The following GRXCR1 variants were observed in gnomAD, a reference collection of about 807,000 sequenced individuals.
The protein encoded by GRXCR1 is glutaredoxin domain-containing cysteine-rich protein 1.
Under a neutral mutation model 27.3 loss-of-function variants are expected in GRXCR1, and 27 were observed. The observed-to-expected ratio is 0.99, with a 90% CI of 0.73 to 1.37. The LOEUF (loss-of-function observed/expected upper bound fraction) is 1.37. GRXCR1 is among the 40% of genes most tolerant of loss of function. The probability of loss-of-function intolerance (pLI) is 0.00; values close to 1 mark genes in which losing one functional copy is unlikely to be tolerated. For missense variants in GRXCR1, 379 were observed against 354.4 expected, an observed-to-expected ratio of 1.07 and a Z score of -0.56; for synonymous variants, 122 against 131.1, an observed-to-expected ratio of 0.93 and a Z score of 0.47.
At chr4:42,920,756 C>A (rs1746990391) in intron 1 of GRXCR1, among the ~76,000 whole-genome samples, 1 of 152,056 alleles carries the variant, frequency 6.6e-6, no homozygotes, top group Non-Finnish European at 1.5e-5. Context: ...CAAATATGTA[C>A]ATTTTACTCT....
chr4:42,991,873 G>C (rs1286482085), intron 2 of GRXCR1, among the ~76,000 whole-genome samples: 1 of 152,080 alleles, frequency 6.6e-6, no homozygotes, highest in Non-Finnish European at 1.5e-5. Context: ...GCACAGAGGG[G>C]TTTCATTACT....
intron 2 of GRXCR1, among the ~76,000 whole-genome samples, chr4:42,977,906 T>C (rs1748561876): frequency 6.6e-6 from 1 of 152,056 alleles, no homozygotes; most frequent in South Asian, 2.1e-4. Context: ...ATTTGCCTTA[T>C]GTTTTCTGCT....
At chr4:42,946,988 C>T (rs934055955) in intron 1 of GRXCR1, among the ~76,000 whole-genome samples, 3 of 152,146 alleles carry the variant, frequency 2.0e-5, no homozygotes, top group Admixed American at 6.5e-5. Flanking sequence ...CACAACCCAC[C>T]GAATGGAGAG....
chr4:42,899,836 A>T (rs13327979), intron 1 of GRXCR1, among the ~76,000 whole-genome samples: 45,004 of 152,020 alleles, frequency 0.3, 7,164 homozygotes, highest in Middle Eastern at 0.37. Flanking sequence ...GACATTTTAA[A>T]CTGTGGAACA....
chr4:42,950,540 T>C (rs966134686), intron 1 of GRXCR1, among the ~76,000 whole-genome samples: 1 of 152,154 alleles, frequency 6.6e-6, no homozygotes, highest in African/African-American at 2.4e-5. Context: ...TATTACAAGA[T>C]AGACATTTTT....
chr4:42,972,321 A>G (rs1047877690), intron 2 of GRXCR1, among the ~76,000 whole-genome samples: 2 of 152,166 alleles, frequency 1.3e-5, no homozygotes, highest in Non-Finnish European at 1.5e-5. Flanking sequence ...AGTCTCATGA[A>G]CATTCAAATC....
chr4:42,950,344 G>A (rs1747853430), intron 1 of GRXCR1, among the ~76,000 whole-genome samples: 1 of 152,160 alleles, frequency 6.6e-6, no homozygotes, highest in East Asian at 1.9e-4. Flanking sequence ...CCATTTGCAA[G>A]ATGTTCCTGA....
chr4:43,030,270 C>T, intron 3 of GRXCR1, 91 bp from the exon 4 acceptor site: 1 of 1,130,896 alleles, frequency 8.8e-7, no homozygotes, highest in Non-Finnish European at 1.3e-6. Context: ...GCTTTATGAC[C>T]ACTCACAGTT....
At position 42,893,153 on chromosome 4, in the gene GRXCR1, A is replaced by T; in HGVS notation, c.-114A>T. On this transcript the variant is annotated 5_prime_UTR_variant, in exon 1 of 4. Transcript: ENST00000399770. ...CTTCTTTCCTTTTGATGTTAGTTTC[A>T]CAGGAGTGCTGCCATCACTAGAATT... 1 of 1,111,988 alleles carries T rather than the reference A, an allele frequency of 9.0e-7. No individual in the cohort carries two copies. Among genetic ancestry groups the T allele is most frequent in the Non-Finnish European group, 1.4e-6 (1 of 726,572 alleles). The allele number at this position is 1,111,988 out of a possible 1,614,324, so 68.9% of individuals were successfully genotyped here. A position where few individuals can be genotyped will look rare whatever the true frequency, so the allele number is the denominator to read the frequency against.
At chr4:43,028,816 G>C (rs1713334829) in intron 3 of GRXCR1, among the ~76,000 whole-genome samples, 2 of 152,142 alleles carry the variant, frequency 1.3e-5, no homozygotes, top group African/African-American at 4.8e-5. Context: ...TCAACAAAGT[G>C]ACCAAATTGC....
rs546075384 is a variant in GRXCR1, at chr4:42,894,433, G to A, written c.384+783G>A. On this transcript the variant is annotated intron_variant, in intron 1 of 3. Transcript: ENST00000399770. Reference sequence around the variant, plus strand: ...TGTTAAAAACAGATATCATTATGTCGGGAATGGAATTTATGATTGCTATCA... The same window carrying A: ...TGTTAAAAACAGATATCATTATGTCAGGAATGGAATTTATGATTGCTATCA... 3.3e-5 allele frequency among the ~76,000 whole-genome samples: 5 copies of A among 151,986 alleles called. No homozygotes were observed. In the East Asian group the frequency reaches 5.8e-4, roughly 18 times the overall value.
At chr4:42,914,272 G>T (rs1276287350) in intron 1 of GRXCR1, among the ~76,000 whole-genome samples, 2 of 152,134 alleles carry the variant, frequency 1.3e-5, no homozygotes, top group African/African-American at 4.8e-5. Context: ...CAGCTGGGAG[G>T]GGGGCTGTAT....
At chr4:43,007,423 T>G (rs1253042179) in intron 2 of GRXCR1, among the ~76,000 whole-genome samples, 1 of 152,004 alleles carries the variant, frequency 6.6e-6, no homozygotes, top group African/African-American at 2.4e-5. Flanking sequence ...GGAAAAGAGT[T>G]TGGCTTCTGA....
chr4:42,923,355 C>T (rs1449915686), intron 1 of GRXCR1, among the ~76,000 whole-genome samples: 1 of 152,098 alleles, frequency 6.6e-6, no homozygotes, highest in Non-Finnish European at 1.5e-5. Flanking sequence ...ACCTTATGTG[C>T]TTACATTCTT....
intron 2 of GRXCR1, among the ~76,000 whole-genome samples, chr4:43,004,879 G>A (rs1407253615): frequency 6.6e-6 from 1 of 152,202 alleles, no homozygotes; most frequent in Non-Finnish European, 1.5e-5. Flanking sequence ...ATGCTGGAAG[G>A]AGTTAAGACT....
intron 1 of GRXCR1, among the ~76,000 whole-genome samples, chr4:42,922,725 GAA>G (rs954446903): frequency 3.9e-5 from 6 of 151,984 alleles, no homozygotes; most frequent in African/African-American, 7.2e-5. Context: ...GTAAATATGG[GAA>G]ATATATTCCC....
chr4:43,003,451 G>T (rs1448676611), intron 2 of GRXCR1, among the ~76,000 whole-genome samples: 1 of 152,158 alleles, frequency 6.6e-6, no homozygotes, highest in Admixed American at 6.5e-5. Flanking sequence ...CAGTTTGAAG[G>T]GCTCAGAAGA....
Position 43,030,590 on chromosome 4 carries a change from C to A in GRXCR1, c.*50C>A. 7.0e-7 allele frequency: 1 copy of A among 1,421,090 alleles called. No homozygotes were observed. Among genetic ancestry groups the A allele is most frequent in the Non-Finnish European group, 9.9e-7 (1 of 1,005,072 alleles). 88.0% of individuals were successfully genotyped at this position (1,421,090 alleles called of 1,614,324 possible). A position where few individuals can be genotyped will look rare whatever the true frequency, so the allele number is the denominator to read the frequency against. ...CTCATTTTATTAATCAAAGGCAATA[C>A]TTTGGTTTATATATATATTTTTAAA... On this transcript the variant is annotated 3_prime_UTR_variant, in exon 4 of 4. Coordinates refer to ENST00000399770, the MANE Select transcript of GRXCR1 (RefSeq NM_001080476.3).
chr4:42,939,269 T>TG (rs1477581847), intron 1 of GRXCR1, among the ~76,000 whole-genome samples: 2 of 152,116 alleles, frequency 1.3e-5, no homozygotes, highest in Non-Finnish European at 2.9e-5. Context: ...GTAGCTATTG[T>TG]AAATGATATT....
Sources: allele counts gnomAD v4.1 joint callset (sites outside exome capture counted in the v4.1 genomes callset), GRCh38; gene constraint gnomAD v4.1.1; transcripts MANE v1.5; gene names NCBI Gene and HGNC (gene_info 2026-07-23, HGNC 2026-07-21).